SORCS3: variants seen among roughly 807,000 people sequenced by gnomAD.
SORCS3 encodes sortilin related VPS10 domain containing receptor 3, also known as VPS10 domain-containing receptor SorCS3.
A neutral mutation model predicts 146.3 loss-of-function variants in SORCS3; 57 were observed. That is an observed-to-expected ratio of 0.39 (90% CI 0.31 to 0.49). The LOEUF is 0.49. Ranked by LOEUF, SORCS3 falls within the 20% of genes least tolerant of loss-of-function variation. The pLI is 0.92. For missense variants in SORCS3, 1,341 were observed against 1,575.5 expected, an observed-to-expected ratio of 0.85 and a Z score of 2.52; for synonymous variants, 653 against 618.5, an observed-to-expected ratio of 1.06 and a Z score of -0.83.
intron 4 of SORCS3, among the ~76,000 whole-genome samples, chr10:105,039,176 T>C (rs1408521899): frequency 6.6e-6 from 1 of 152,062 alleles, no homozygotes; most frequent in African/African-American, 2.4e-5. Context: ...GATGTGTAGG[T>C]GGAGAGGTTT....
chr10:104,850,808 C>T (rs2018266707), intron 2 of SORCS3, among the ~76,000 whole-genome samples: 1 of 152,236 alleles, frequency 6.6e-6, no homozygotes, highest in Non-Finnish European at 1.5e-5. Flanking sequence ...GGAAGTCAAA[C>T]AGGAAGCACA....
intron 3 of SORCS3, among the ~76,000 whole-genome samples, chr10:104,918,076 A>G (rs1260064430): frequency 6.6e-6 from 1 of 152,222 alleles, no homozygotes; most frequent in Non-Finnish European, 1.5e-5. Flanking sequence ...TAATAGCCAT[A>G]CTAATTTACA....
At chr10:104,744,529 A>G (rs901057295) in intron 1 of SORCS3, among the ~76,000 whole-genome samples, 2 of 152,228 alleles carry the variant, frequency 1.3e-5, no homozygotes, top group Non-Finnish European at 2.9e-5. Flanking sequence ...TATTATCTCC[A>G]CTGTTACAAT....
chr10:105,214,952 GA>G (rs1171274837), intron 18 of SORCS3, among the ~76,000 whole-genome samples: 1 of 152,192 alleles, frequency 6.6e-6, no homozygotes, highest in Non-Finnish European at 1.5e-5. Context: ...CCAGAGGAAG[GA>G]AATGTGAATT....
intron 3 of SORCS3, among the ~76,000 whole-genome samples, chr10:104,923,556 A>G (rs1017983342): frequency 3.9e-5 from 6 of 152,152 alleles, no homozygotes; most frequent in African/African-American, 1.4e-4. Flanking sequence ...ACTTCATAGG[A>G]GCATCACACG....
intron 11 of SORCS3, among the ~76,000 whole-genome samples, chr10:105,161,192 G>A (rs527340077): frequency 2.6e-5 from 4 of 152,262 alleles, no homozygotes; most frequent in Admixed American, 2.6e-4. Flanking sequence ...GGATCTTTGG[G>A]AGGGATATAA....
intron 5 of SORCS3, among the ~76,000 whole-genome samples, chr10:105,046,871 G>A (rs2055375902): frequency 6.6e-6 from 1 of 151,978 alleles, no homozygotes; most frequent in Admixed American, 6.6e-5. Flanking sequence ...AATCACCAGG[G>A]CTGTCTAATG....
chr10:104,889,521 T>G (rs79649474), intron 2 of SORCS3, among the ~76,000 whole-genome samples: 1 of 151,662 alleles, frequency 6.6e-6, no homozygotes, highest in Non-Finnish European at 1.5e-5. Context: ...CTATTTATTG[T>G]GTCAGGTTAG....
intron 2 of SORCS3, among the ~76,000 whole-genome samples, chr10:104,859,821 C>A (rs1326725348): frequency 2.8e-4 from 42 of 151,168 alleles, no homozygotes; most frequent in Non-Finnish European, 5.5e-4. Context: ...TGAAAAAATG[C>A]TCATCATCAC....
At chr10:105,235,318 T>C (rs905915828) in intron 20 of SORCS3, among the ~76,000 whole-genome samples, 29 of 152,046 alleles carry the variant, frequency 1.9e-4, no homozygotes, top group Admixed American at 1.5e-3. Flanking sequence ...TCCCCTGATA[T>C]AACCATATGG....
chr10:104,977,469 G>A lies in SORCS3; in HGVS notation c.930G>A (p.Val310=). The change falls in exon 4 of 27, where the codon GTG becomes GTA. Residue 310 remains valine, a synonymous_variant. Transcript: ENST00000369701. ...TTCATCCCAAGCAAGAGGACTGGGT[G>A]CTGGCCTACAGTTTGGATCAAAAGG... is the stretch of plus-strand genomic sequence containing the variant. ...LLFHPKQEDW[V]LAYSLDQKLY... 1 of 1,611,404 alleles carries A rather than the reference G, an allele frequency of 6.2e-7. No individual in the cohort carries two copies. The highest frequency in any genetic ancestry group is 1.3e-5 in the African/African-American group (1 of 74,906).
At chr10:105,033,552 A>G (rs1266208455) in intron 4 of SORCS3, among the ~76,000 whole-genome samples, 1 of 152,232 alleles carries the variant, frequency 6.6e-6, no homozygotes, top group African/African-American at 2.4e-5. Flanking sequence ...CCTCTCATCT[A>G]GGAACTTCTA....
At chr10:104,769,626 G>C (rs1191616679) in intron 1 of SORCS3, among the ~76,000 whole-genome samples, 1 of 152,168 alleles carries the variant, frequency 6.6e-6, no homozygotes, top group East Asian at 1.9e-4. Context: ...GTTAGAGCCA[G>C]GGGAGATCCA....
intron 5 of SORCS3, among the ~76,000 whole-genome samples, chr10:105,070,133 G>A (rs112969084): frequency 5.9e-5 from 9 of 152,260 alleles, no homozygotes; most frequent in South Asian, 2.1e-4. Context: ...TCTTCTCTCC[G>A]CTCCTGAGAT....
At chr10:104,672,946 G>A (rs1265540926) in intron 1 of SORCS3, among the ~76,000 whole-genome samples, 2 of 152,038 alleles carry the variant, frequency 1.3e-5, no homozygotes, top group Admixed American at 1.3e-4. Context: ...CTGTCATTAA[G>A]TATTCATAAC....
At chr10:104,919,209 A>G (rs183252985) in intron 3 of SORCS3, among the ~76,000 whole-genome samples, 3 of 152,346 alleles carry the variant, frequency 2.0e-5, no homozygotes, top group Admixed American at 6.5e-5. Flanking sequence ...CTAGTGCTCA[A>G]TAAACAGAAG....
intron 2 of SORCS3, among the ~76,000 whole-genome samples, chr10:104,899,866 G>A (rs887546086): frequency 6.6e-6 from 1 of 152,102 alleles, no homozygotes; most frequent in African/African-American, 2.4e-5. Flanking sequence ...ATTGAGTGCT[G>A]TGACCATCTC....
At chr10:104,685,507 C>G (rs2016033814) in intron 1 of SORCS3, among the ~76,000 whole-genome samples, 3 of 152,346 alleles carry the variant, frequency 2.0e-5, no homozygotes, top group East Asian at 1.9e-4. Flanking sequence ...ATGAGGTGCT[C>G]TAGCATATCC....
chr10:105,090,660 G>A (rs1821112579), intron 6 of SORCS3, among the ~76,000 whole-genome samples: 1 of 152,184 alleles, frequency 6.6e-6, no homozygotes, highest in Admixed American at 6.5e-5. Context: ...CTGTCTGTGA[G>A]TTGGGGTACT....
Sources: gnomAD v4.1 joint callset for allele counts (sites outside exome capture counted in the v4.1 genomes callset) on GRCh38, gnomAD v4.1.1 for gene constraint, MANE v1.5 for transcripts, NCBI Gene and HGNC (gene_info 2026-07-23, HGNC 2026-07-21) for gene names.